The following FCHO1 variants were observed in gnomAD, a reference collection of about 807,000 sequenced individuals.
FCHO1 encodes the protein FCH and mu domain containing endocytic adaptor 1, also known as F-BAR domain only protein 1.
A neutral mutation model predicts 114.4 loss-of-function variants in FCHO1; 45 were observed. That is an observed-to-expected ratio of 0.39 (90% CI 0.31 to 0.50). The LOEUF is 0.50. FCHO1 is among the 20% of genes least tolerant of loss of function. The probability of loss-of-function intolerance (pLI) is 0.77; values close to 1 mark genes in which losing one functional copy is unlikely to be tolerated. For missense variants in FCHO1, 1,042 were observed against 1,209.6 expected (o/e 0.86, Z 2.06); for synonymous variants, 480 against 488.9 (o/e 0.98, Z 0.24).
At position 17,774,276 on chromosome 19, in the gene FCHO1, G is replaced by A; in HGVS notation, c.828G>A (p.Leu276=). ...TCGAGGCATACAGTGCGGCTGCCCT[G>A]CAGGAAGGCAAGTACGTCTGGGCCT... ...LDFEAYSAAA[L]QEAMKRLRGA... is the part of the protein sequence containing the mutation. Residue 276 remains leucine, a synonymous_variant, in exon 12 of 29, where the codon CTG becomes CTA. Transcript: ENST00000596536. 6.2e-7 allele frequency: 1 copy of A among 1,614,100 alleles called. No homozygotes were observed. The highest frequency in any genetic ancestry group is 8.5e-7 in the Non-Finnish European group (1 of 1,180,004).
At chr19:17,750,281 T>C (rs2081571582), upstream of FCHO1, among the ~76,000 whole-genome samples, 1 of 152,094 alleles carries the variant, frequency 6.6e-6, no homozygotes, top group African/African-American at 2.4e-5. Flanking sequence ...GACTTCTCCA[T>C]CAGACCCAAA....
Position 17,787,905 on chromosome 19 carries a change from C to G in FCHO1, c.2647+59C>G, listed in dbSNP as rs775303039. 3.2e-6 allele frequency: 5 copies of G among 1,563,384 alleles called. 1 individual carries two copies. In the South Asian group the frequency reaches 4.8e-5, roughly 15 times the overall value. On this transcript the variant is annotated intron_variant, in intron 28 of 28. Transcript: ENST00000596536. ...GAGCCGAGATCTTACAGGGGCAAGCCCCGGGGTGTGGGGAGGGATTGGGGT... is the reference window on the plus strand; with the variant it reads ...GAGCCGAGATCTTACAGGGGCAAGCGCCGGGGTGTGGGGAGGGATTGGGGT...
At chr19:17,778,042 A>AC in intron 18 of FCHO1, 95 bp from the exon 19 acceptor site, 1 of 886,162 alleles carries the variant, frequency 1.1e-6, no homozygotes, top group South Asian at 1.5e-5. Context: ...CCGTCTCAAA[A>AC]AAAAAAAAGA....
At chr19:17,769,404 G>C (rs1372779192) in intron 7 of FCHO1, among the ~76,000 whole-genome samples, 7 of 151,222 alleles carry the variant, frequency 4.6e-5, no homozygotes, top group Non-Finnish European at 1.0e-4. Flanking sequence ...GTGAAACCCC[G>C]TCTCTACTAA....
Position 17,775,496 on chromosome 19 carries a change from C to G in FCHO1, c.986C>G (p.Pro329Arg), listed in dbSNP as rs2092495718. The change falls in exon 15 of 29, where the codon CCT becomes CGT. Residue 329 changes from proline (P) to arginine (R), a missense_variant. Transcript: ENST00000596536. The surrounding 1 kb of genome is among the most constrained non-coding windows in gnomAD (Gnocchi z 5.1). ...GATGAAGAAGGTTTCACTGTCCGGC[C>G]TGATGTGACCCAGAACAATATCCTT... ...EVDEEGFTVR[P>R]DVTQNSTAEP... 6.2e-7 allele frequency: 1 copy of G among 1,613,848 alleles called. No individual in the cohort carries two copies. Among genetic ancestry groups the G allele is most frequent in the South Asian group, 1.1e-5 (1 of 91,090 alleles).
Position 17,755,119 on chromosome 19 carries a change from C to T in FCHO1, c.-46C>T, listed in dbSNP as rs767886691. The T allele has an allele frequency of 1.3e-6, 2 of 1,598,128 alleles. No homozygotes were observed. The highest frequency in any genetic ancestry group is 1.7e-6 in the Non-Finnish European group (2 of 1,165,466). On this transcript the variant is annotated splice_region_variant and 5_prime_UTR_variant, in exon 4 of 29. Transcript: ENST00000596536. ...GCTCAAACTTGCCTCTCTCTTCAGACAGGCACTGGACGGGGCCTGCAGGGG... is the reference window on the plus strand; with the variant it reads ...GCTCAAACTTGCCTCTCTCTTCAGATAGGCACTGGACGGGGCCTGCAGGGG...
chr19:17,787,726 A>G lies in FCHO1; in HGVS notation c.2527A>G (p.Ser843Gly), dbSNP rs779019706. ...CAGCTGGGAGCCGCTCTCAGGGCCCAGCACACCCAGCCCCGTGGCTGCACA... is the reference window on the plus strand; with the variant it reads ...CAGCTGGGAGCCGCTCTCAGGGCCCGGCACACCCAGCCCCGTGGCTGCACA... Reference protein sequence around the residue: ...SASWEPLSGPSTPSPVAAQFT... With the variant: ...SASWEPLSGPGTPSPVAAQFT... The change falls in exon 28 of 29, where the codon AGC becomes GGC. Residue 843 changes from serine (S) to glycine (G), a missense_variant. By Grantham distance (56) the Ser-to-Gly change is moderately conservative. Around this residue, in one of 3 missense-constraint regions of FCHO1, gnomAD observed 137 missense variants for 190.0 expected, o/e 0.72. Transcript: ENST00000596536. 102 of 1,581,410 alleles carry G rather than the reference A, an allele frequency of 6.4e-5. No homozygotes were observed. Among genetic ancestry groups the G allele is most frequent in the Non-Finnish European group, 7.8e-5 (91 of 1,164,982 alleles).
At chr19:17,766,516 C>T in intron 6 of FCHO1, 153 bp from the exon 7 acceptor site, 2 of 1,003,134 alleles carry the variant, frequency 2.0e-6, no homozygotes, top group Non-Finnish European at 2.9e-6. Flanking sequence ...TGTCACAGGC[C>T]CGCCTCTTAC....
chr19:17,776,141 ATCCT>A lies in FCHO1; in HGVS notation c.1167_1170del (p.Pro390LeufsTer7). ...GCTCAGGGCCACCGCGGGCAGCCTC[ATCCT>A]TCCTCCTGGCCCAGGGGTGAGGCGT... is the stretch of plus-strand genomic sequence containing the variant. On this transcript the variant is annotated frameshift_variant, in exon 16 of 29. Coordinates refer to ENST00000596536, the MANE Select transcript of FCHO1 (RefSeq NM_015122.3). LOFTEE classifies it high-confidence loss of function. This position sits in a 1 kb window ranked among gnomAD's most constrained non-coding sequence, Gnocchi z 4.4. 6.2e-7 allele frequency: 1 copy of A among 1,613,668 alleles called. No homozygotes were observed.
intron 28 of FCHO1, 29 bp from the exon 29 acceptor site, chr19:17,788,255 C>CAA: frequency 2.1e-6 from 3 of 1,440,264 alleles, no homozygotes; most frequent in Non-Finnish European, 2.9e-6. Context: ...TCCTCCCCAC[C>CAA]CCTCCCCCTC....
rs111441566 is a variant in FCHO1, at chr19:17,788,527, A to G, written c.*221A>G. On this transcript the variant is annotated 3_prime_UTR_variant, in exon 29 of 29. Transcript: ENST00000596536. ...GCCTTTTAATGTTCTTTGAATAAAC[A>G]CTTTATTTTCTAATAAAATAAAAAA... 1.9e-6 allele frequency: 1 copy of G among 532,088 alleles called. No homozygotes were observed. The highest frequency in any genetic ancestry group is 2.0e-5 in the African/African-American group (1 of 50,928). The allele number at this position is 532,088 out of a possible 1,614,324, so 33.0% of individuals were successfully genotyped here.
At position 17,770,872 on chromosome 19, in the gene FCHO1, G is replaced by A. The variant is rs774056510; in HGVS notation, c.570G>A (p.Glu190=). 1 of 1,614,098 alleles carries A rather than the reference G, an allele frequency of 6.2e-7. No homozygotes were observed. The highest frequency in any genetic ancestry group is 8.5e-7 in the Non-Finnish European group (1 of 1,180,034). The part of the protein sequence containing the change: ...EKYNSARADF[E]QKMLDSALRF... Reference sequence around the variant, plus strand: ...ACAACTCAGCCCGAGCTGACTTTGAGCAGAAGATGCTGGACTCAGCCCTGG... The same window carrying A: ...ACAACTCAGCCCGAGCTGACTTTGAACAGAAGATGCTGGACTCAGCCCTGG... Residue 190 remains glutamate (E), a synonymous_variant, in exon 9 of 29, where the codon GAG becomes GAA. Transcript: ENST00000596536.
chr19:17,778,782 C>T lies in FCHO1; in HGVS notation c.1525C>T (p.Pro509Ser). 6 of 1,539,102 alleles carry T rather than the reference C, an allele frequency of 3.9e-6. No homozygotes were observed. Among genetic ancestry groups the T allele is most frequent in the Non-Finnish European group, 5.2e-6 (6 of 1,148,090 alleles). The stretch of plus-strand genomic sequence containing the variant: ...GAGCCCGCCCAGCTGTAGGGCGCCA[C>T]CCCCAGAGGCCAGGGGTATCCGGGC... ...PQSPPSCRAP[P>S]PEARGIRAPP... Residue 509 changes from proline (P) to serine (S), a missense_variant, in exon 20 of 29, where the codon CCC becomes TCC. This residue lies in a region of FCHO1 where 455 missense variants were observed against 455.4 expected (regional missense o/e 1.00). Coordinates refer to ENST00000596536, the MANE Select transcript of FCHO1 (RefSeq NM_015122.3).
Position 17,776,556 on chromosome 19 carries a change from C to A in FCHO1, c.1208-79C>A. The A allele has an allele frequency of 6.5e-7, 1 of 1,530,606 alleles. No homozygotes were observed. The highest frequency in any genetic ancestry group is 1.7e-5 in the Admixed American group (1 of 59,518). 94.8% of individuals were successfully genotyped at this position (1,530,606 alleles called of 1,614,324 possible). ...GGGCAACTGGCTGGACACCCCCGAGCCTCGGTCCCTTGGTCTGTGGAGTGG... is the reference window on the plus strand; with the variant it reads ...GGGCAACTGGCTGGACACCCCCGAGACTCGGTCCCTTGGTCTGTGGAGTGG... On this transcript the variant is annotated intron_variant, in intron 17 of 28. Coordinates refer to ENST00000596536, the MANE Select transcript of FCHO1 (RefSeq NM_015122.3). This position sits in a 1 kb window ranked among gnomAD's most constrained non-coding sequence, Gnocchi z 4.4.
chr19:17,782,186 CTTTT>C (rs991196848), intron 23 of FCHO1, among the ~76,000 whole-genome samples: 2 of 151,626 alleles, frequency 1.3e-5, no homozygotes, highest in African/African-American at 2.4e-5. Flanking sequence ...AATTATTGTG[CTTTT>C]TGTTTGTTTA....
intron 20 of FCHO1, among the ~76,000 whole-genome samples, chr19:17,779,447 A>T (rs1195230926): frequency 6.6e-6 from 1 of 151,738 alleles, no homozygotes; most frequent in African/African-American, 2.4e-5. Context: ...GGAGGCAACC[A>T]GGGAGGCAAG....
chr19:17,770,614 G>A (rs368137662), intron 8 of FCHO1, 37 bp downstream of exon 8: 200 of 1,596,258 alleles, frequency 1.3e-4, no homozygotes, highest in Middle Eastern at 3.3e-4. Flanking sequence ...GGAATTTGCC[G>A]CGGGGCGGAG....
upstream of FCHO1, among the ~76,000 whole-genome samples, chr19:17,750,857 G>A (rs56237397): frequency 0.16 from 20,864 of 129,914 alleles, 1,714 homozygotes; most frequent in Middle Eastern, 0.21. Context: ...ATGGAGTCTC[G>A]CTCTGTCGCC....
chr19:17,768,616 C>A (rs2090236666), intron 7 of FCHO1, among the ~76,000 whole-genome samples: 1 of 151,700 alleles, frequency 6.6e-6, no homozygotes, highest in Non-Finnish European at 1.5e-5. Context: ...ATGACTTGAG[C>A]CTGGGAGGTG....
Sources: allele counts gnomAD v4.1 joint callset (sites outside exome capture counted in the v4.1 genomes callset), GRCh38; gene constraint gnomAD v4.1.1; regional missense constraint gnomAD v4.1.1; non-coding constraint Gnocchi (gnomAD v3.1); transcripts MANE v1.5; gene names NCBI Gene and HGNC (gene_info 2026-07-23, HGNC 2026-07-21).